The following KIRREL3 variants were observed in gnomAD, a reference collection of about 807,000 sequenced individuals.
KIRREL3 encodes kirre like nephrin family adhesion molecule 3.
KIRREL3 carries 36 observed loss-of-function variants against 89.7 expected under a neutral mutation model. The ratio of observed to expected loss-of-function variants is 0.40; its 90% confidence interval spans 0.31 to 0.53. The LOEUF is 0.53. KIRREL3 is among the 20% of genes least tolerant of loss of function. The pLI is 0.49. For missense variants in KIRREL3, 864 were observed against 1,056.6 expected (o/e 0.82, Z 2.53); for synonymous variants, 445 against 441.4 (o/e 1.01, Z -0.10).
In KIRREL3 at chr11:126,817,126, A is replaced by T. The variant is rs1951599617; in HGVS notation, c.55+183329T>A. ...CACTATTAAAATTAATAGGAAAGATAGAAAAATTAAGCAGCTGGACCATGG... is the reference window on the plus strand; with the variant it reads ...CACTATTAAAATTAATAGGAAAGATTGAAAAATTAAGCAGCTGGACCATGG... On this transcript the variant is annotated intron_variant, in intron 1 of 16. Coordinates refer to ENST00000525144, the MANE Select transcript of KIRREL3 (RefSeq NM_032531.4). The surrounding 1 kb of genome is among the most constrained non-coding windows in gnomAD (Gnocchi z 5.7). Among the ~76,000 whole-genome samples the T allele has an allele frequency of 7.1e-6, 1 of 141,442 alleles. No homozygotes were observed. The highest frequency in any genetic ancestry group is 6.9e-5 in the Admixed American group (1 of 14,418). The allele number at this position is 141,442 out of a possible 152,430, so 92.8% of individuals were successfully genotyped here. A position where few individuals can be genotyped will look rare whatever the true frequency, so the allele number is the denominator to read the frequency against.
intron 1 of KIRREL3, among the ~76,000 whole-genome samples, chr11:126,633,982 A>C (rs561102794): frequency 4.6e-5 from 7 of 152,210 alleles, no homozygotes; most frequent in Admixed American, 6.5e-5. Flanking sequence ...ACCTCTTCAG[A>C]AAGTACAGCG....
At chr11:126,581,852 G>A (rs115598201) in intron 1 of KIRREL3, among the ~76,000 whole-genome samples, 8 of 152,238 alleles carry the variant, frequency 5.3e-5, no homozygotes, top group East Asian at 1.9e-4. Context: ...GACGTGGCAC[G>A]GAAGGGAATG....
At position 126,755,855 on chromosome 11, in the gene KIRREL3, G is replaced by GA. The variant is rs1949480854; in HGVS notation, c.56-192944_56-192943insT. ...AGAGAGAGAGAGAGAGAGAGAGAGA[G>GA]GGAGAGAGGGAGAGAGAAAAAACAG... is the stretch of plus-strand genomic sequence containing the variant. On this transcript the variant is annotated intron_variant, in intron 1 of 16. Coordinates refer to ENST00000525144, the MANE Select transcript of KIRREL3 (RefSeq NM_032531.4). The surrounding 1 kb of genome is among the most constrained non-coding windows in gnomAD (Gnocchi z 4.3). 7.2e-6 allele frequency among the ~76,000 whole-genome samples: 1 copy of GA among 139,786 alleles called. No individual in the cohort carries two copies. Among genetic ancestry groups the GA allele is most frequent in the African/African-American group, 2.8e-5 (1 of 35,200 alleles). The allele number at this position is 139,786 out of a possible 152,430, so 91.7% of individuals were successfully genotyped here.
At position 126,797,714 on chromosome 11, in the gene KIRREL3, C is replaced by T. The variant is rs985560251; in HGVS notation, c.55+202741G>A. On this transcript the variant is annotated intron_variant, in intron 1 of 16. Transcript: ENST00000525144. This position sits in a 1 kb window ranked among gnomAD's most constrained non-coding sequence, Gnocchi z 4.9. ...TGTATATGAGGAAAGCACAGAATCACATGGTTGAAAAGAACTGTAATTGTA... is the reference window on the plus strand; with the variant it reads ...TGTATATGAGGAAAGCACAGAATCATATGGTTGAAAAGAACTGTAATTGTA... Among the ~76,000 whole-genome samples, 4 of 152,168 alleles carry T rather than the reference C, an allele frequency of 2.6e-5. No homozygotes were observed. Among genetic ancestry groups the T allele is most frequent in the African/African-American group, 9.7e-5 (4 of 41,430 alleles).
In KIRREL3 at chr11:126,641,837, T is replaced by A. The variant is rs1944484558; in HGVS notation, c.56-78925A>T. On this transcript the variant is annotated intron_variant, in intron 1 of 16. Coordinates refer to ENST00000525144, the MANE Select transcript of KIRREL3 (RefSeq NM_032531.4). The surrounding 1 kb of genome is among the most constrained non-coding windows in gnomAD (Gnocchi z 5.0). ...TCCAATTCCATCTAAAACCACGTAA[T>A]ACTCACTGAGGTTCCCACCACAGTC... 6.6e-6 allele frequency among the ~76,000 whole-genome samples: 1 copy of A among 152,196 alleles called. No homozygotes were observed. Among genetic ancestry groups the A allele is most frequent in the South Asian group, 2.1e-4 (1 of 4,818 alleles).
chr11:126,522,286 CAGAG>C lies in KIRREL3; in HGVS notation c.284-826_284-823del, dbSNP rs1480204593. ...CTGAGAATTACAGAGAGAAGACAGT[CAGAG>C]AGAGAAGGAAGGAAAAAGAGAAATG... On this transcript the variant is annotated intron_variant, in intron 3 of 16. Transcript: ENST00000525144. This position sits in a 1 kb window ranked among gnomAD's most constrained non-coding sequence, Gnocchi z 6.0. 1.3e-5 allele frequency among the ~76,000 whole-genome samples: 2 copies of C among 151,930 alleles called. No individual in the cohort carries two copies. Among genetic ancestry groups the C allele is most frequent in the Non-Finnish European group, 2.9e-5 (2 of 68,020 alleles).
At chr11:126,511,303 G>A (rs1241833395) in intron 4 of KIRREL3, among the ~76,000 whole-genome samples, 1 of 150,172 alleles carries the variant, frequency 6.7e-6, no homozygotes. Flanking sequence ...CAGGTTGGGC[G>A]ACAGAGGGAG....
rs1374112022 is a variant in KIRREL3 at position 126,686,468 on chromosome 11, G to A, written c.56-123556C>T. 6.6e-6 allele frequency among the ~76,000 whole-genome samples: 1 copy of A among 151,750 alleles called. No homozygotes were observed. Among genetic ancestry groups the A allele is most frequent in the Non-Finnish European group, 1.5e-5 (1 of 67,926 alleles). ...AGAATGGAAGATACACAAAGGAAGG[G>A]AGTCCCAAGCTGAATGTTCTGATAG... On this transcript the variant is annotated intron_variant, in intron 1 of 16. Coordinates refer to ENST00000525144, the MANE Select transcript of KIRREL3 (RefSeq NM_032531.4). This position sits in a 1 kb window ranked among gnomAD's most constrained non-coding sequence, Gnocchi z 4.7.
intron 1 of KIRREL3, among the ~76,000 whole-genome samples, chr11:126,787,016 A>G (rs1950507033): frequency 6.6e-6 from 1 of 152,232 alleles, no homozygotes; most frequent in African/African-American, 2.4e-5. Context: ...ATCTGCAGTT[A>G]GAGGAAATCT....
intron 1 of KIRREL3, among the ~76,000 whole-genome samples, chr11:126,654,451 G>C (rs1945041864): frequency 6.6e-6 from 1 of 152,044 alleles, no homozygotes; most frequent in African/African-American, 2.4e-5. Flanking sequence ...AATGTTGAAG[G>C]TGGAGGGAGA....
intron 1 of KIRREL3, among the ~76,000 whole-genome samples, chr11:126,621,450 A>T (rs1943570588): frequency 6.6e-6 from 1 of 152,234 alleles, no homozygotes. Flanking sequence ...CAAAGGCTTG[A>T]GAATCTGCAG....
chr11:126,690,257 T>G (rs1234957305), intron 1 of KIRREL3, among the ~76,000 whole-genome samples: 1 of 152,182 alleles, frequency 6.6e-6, no homozygotes, highest in Non-Finnish European at 1.5e-5. Flanking sequence ...CTCTGTATTC[T>G]CCATCAGAAA....
chr11:126,909,538 A>C lies in KIRREL3; in HGVS notation c.55+90917T>G, dbSNP rs925285517. 5.9e-5 allele frequency among the ~76,000 whole-genome samples: 9 copies of C among 152,190 alleles called. No individual in the cohort carries two copies. The highest frequency in any genetic ancestry group is 1.2e-4 in the Non-Finnish European group (8 of 68,044). On this transcript the variant is annotated intron_variant, in intron 1 of 16. Transcript: ENST00000525144. The surrounding 1 kb of genome is among the most constrained non-coding windows in gnomAD (Gnocchi z 4.5). ...TGCTCTGAGTTGAGATACACCGCCC[A>C]CAATACACCCCGTGGGTAATTAACA...
chr11:126,759,105 A>C lies in KIRREL3; in HGVS notation c.56-196193T>G, dbSNP rs140829174. ...AAACTATTTTATTTCTTAATGCTAT[A>C]ATGTCTACTTTGTGGGTATTTTTGT... is the stretch of plus-strand genomic sequence containing the variant. On this transcript the variant is annotated intron_variant, in intron 1 of 16. Transcript: ENST00000525144. Among the ~76,000 whole-genome samples, 695 of 152,264 alleles carry C rather than the reference A, an allele frequency of 4.6e-3. 6 individuals carry two copies. Among genetic ancestry groups the C allele is most frequent in the African/African-American group, 0.016 (670 of 41,542 alleles).
chr11:126,743,170 C>A (rs760510181), intron 1 of KIRREL3, among the ~76,000 whole-genome samples: 4 of 152,036 alleles, frequency 2.6e-5, no homozygotes, highest in Non-Finnish European at 4.4e-5. Context: ...AACAAACAAA[C>A]AAACAAAAAA....
intron 1 of KIRREL3, among the ~76,000 whole-genome samples, chr11:126,598,130 G>A (rs1942487601): frequency 6.6e-6 from 1 of 152,240 alleles, no homozygotes; most frequent in South Asian, 2.1e-4. Flanking sequence ...CTGAAGAGCG[G>A]GACTTTCTGA....
chr11:126,572,225 C>A (rs1442684546), intron 1 of KIRREL3, among the ~76,000 whole-genome samples: 1 of 152,198 alleles, frequency 6.6e-6, no homozygotes, highest in African/African-American at 2.4e-5. Context: ...AAAGTCCCAG[C>A]CTGCCTCCAA....
chr11:126,937,688 A>G (rs182253350), intron 1 of KIRREL3, among the ~76,000 whole-genome samples: 187 of 152,082 alleles, frequency 1.2e-3, no homozygotes, highest in Non-Finnish European at 2.3e-3. Context: ...TCACGAGGTC[A>G]GGAGATCAAG....
In KIRREL3 at chr11:126,704,338, G is replaced by A. The variant is rs1947431149; in HGVS notation, c.56-141426C>T. On this transcript the variant is annotated intron_variant, in intron 1 of 16. Transcript: ENST00000525144. The surrounding 1 kb of genome is among the most constrained non-coding windows in gnomAD (Gnocchi z 4.2). ...ACAGCTGGTAGGAAGCATGTTTGTC[G>A]GGGTGTGGGGAGTGCAGGAGAGAGG... is the stretch of plus-strand genomic sequence containing the variant. Among the ~76,000 whole-genome samples the A allele has an allele frequency of 6.6e-6, 1 of 152,188 alleles. No homozygotes were observed. Among genetic ancestry groups the A allele is most frequent in the Non-Finnish European group, 1.5e-5 (1 of 68,038 alleles).
Sources: gnomAD v4.1 joint callset for allele counts (sites outside exome capture counted in the v4.1 genomes callset) on GRCh38, gnomAD v4.1.1 for gene constraint, Gnocchi (gnomAD v3.1) non-coding constraint, MANE v1.5 for transcripts, NCBI Gene and HGNC (gene_info 2026-07-23, HGNC 2026-07-21) for gene names.